Variants in ITGBL1 observed in about 807,000 individuals in gnomAD.
ITGBL1 encodes integrin subunit beta like 1.
A neutral mutation model predicts 68.5 loss-of-function variants in ITGBL1; 51 were observed. The observed-to-expected ratio is 0.74, with a 90% confidence interval of 0.59 to 0.94. The LOEUF (loss-of-function observed/expected upper bound fraction) is 0.94. ITGBL1 is among the 40% of genes least tolerant of loss of function. The probability of loss-of-function intolerance (pLI) is 0.00; values close to 1 mark genes in which losing one functional copy is unlikely to be tolerated. For synonymous variants in ITGBL1, 209 were observed against 227.3 expected (o/e 0.92, Z 0.72); for missense variants, 649 against 647.4 (o/e 1.00, Z -0.03).
chr13:101,497,078 GT>G (rs2048867646), intron 2 of ITGBL1, among the ~76,000 whole-genome samples: 1 of 152,218 alleles, frequency 6.6e-6, no homozygotes, highest in East Asian at 1.9e-4. Flanking sequence ...CCACCTGGGA[GT>G]TCTGAGGCCA....
chr13:101,479,798 C>T (rs2048590572), intron 2 of ITGBL1, among the ~76,000 whole-genome samples: 1 of 151,976 alleles, frequency 6.6e-6, no homozygotes, highest in Admixed American at 6.6e-5. Context: ...ATCCAAAAGG[C>T]AGGCAGTAAC....
intron 7 of ITGBL1, among the ~76,000 whole-genome samples, chr13:101,610,143 A>G (rs1001888791): frequency 6.6e-6 from 1 of 152,178 alleles, no homozygotes; most frequent in Non-Finnish European, 1.5e-5. Flanking sequence ...TATTTCTATT[A>G]AAATACTAAA....
At chr13:101,502,720 A>G (rs2048963325) in intron 2 of ITGBL1, among the ~76,000 whole-genome samples, 1 of 152,208 alleles carries the variant, frequency 6.6e-6, no homozygotes, top group South Asian at 2.1e-4. Flanking sequence ...CTTTGCTTCT[A>G]CAATGATTAT....
intron 2 of ITGBL1, among the ~76,000 whole-genome samples, chr13:101,480,443 AAC>A (rs200690450): frequency 0.013 from 1,956 of 152,214 alleles, 13 homozygotes; most frequent in Admixed American, 0.021. Flanking sequence ...TCCATTTGAT[AAC>A]ACAAATACTA....
intron 9 of ITGBL1, among the ~76,000 whole-genome samples, chr13:101,707,572 G>T (rs2034289717): frequency 6.6e-6 from 1 of 152,060 alleles, no homozygotes; most frequent in African/African-American, 2.4e-5. Flanking sequence ...GGGCACCGTG[G>T]CCCATGCCTG....
chr13:101,661,109 A>G (rs1342853472), intron 7 of ITGBL1, among the ~76,000 whole-genome samples: 1 of 143,098 alleles, frequency 7.0e-6, no homozygotes, highest in Non-Finnish European at 1.5e-5. Flanking sequence ...ACATATTTAA[A>G]TAACTATAAC....
intron 8 of ITGBL1, among the ~76,000 whole-genome samples, chr13:101,702,382 T>G (rs541242370): frequency 6.6e-6 from 1 of 152,294 alleles, no homozygotes; most frequent in South Asian, 2.1e-4. Flanking sequence ...TTGATTGTAT[T>G]TCTTTTCTTA....
chr13:101,637,122 T>C (rs901429693), intron 7 of ITGBL1, among the ~76,000 whole-genome samples: 5 of 152,164 alleles, frequency 3.3e-5, no homozygotes, highest in Non-Finnish European at 5.9e-5. Context: ...ATCAAAGTTA[T>C]GTAGAACAAG....
At position 101,643,128 on chromosome 13, in the gene ITGBL1, G is replaced by A. The variant is rs924743477; in HGVS notation, c.1015+44829G>A. Reference sequence around the variant, plus strand: ...AGTCATTGGTAGCTTGATGGGGATGGCATTGGATCTATAAATTACCTTGGG... The same window carrying A: ...AGTCATTGGTAGCTTGATGGGGATGACATTGGATCTATAAATTACCTTGGG... On this transcript the variant is annotated intron_variant, in intron 7 of 10. Coordinates refer to ENST00000376180, the MANE Select transcript of ITGBL1 (RefSeq NM_004791.3). 3.7e-4 allele frequency among the ~76,000 whole-genome samples: 56 copies of A among 151,788 alleles called. No individual in the cohort carries two copies. In the East Asian group the frequency reaches 0.01, roughly 27 times the overall value.
intron 2 of ITGBL1, among the ~76,000 whole-genome samples, chr13:101,542,737 C>T (rs1256742983): frequency 6.6e-6 from 1 of 152,118 alleles, no homozygotes; most frequent in Admixed American, 6.6e-5. Flanking sequence ...AATCTGGGTG[C>T]TCCTGTATTG....
intron 8 of ITGBL1, among the ~76,000 whole-genome samples, chr13:101,697,059 G>A (rs1215405851): frequency 6.6e-6 from 1 of 150,564 alleles, no homozygotes; most frequent in Non-Finnish European, 1.5e-5. Flanking sequence ...TTTACATCAA[G>A]AGCTCTTTCT....
intron 2 of ITGBL1, among the ~76,000 whole-genome samples, chr13:101,474,202 G>C (rs1011478504): frequency 1.3e-5 from 2 of 152,102 alleles, no homozygotes; most frequent in African/African-American, 4.8e-5. Flanking sequence ...GACCCACACT[G>C]GGCCAGAGGG....
chr13:101,580,268 A>T (rs1011631848), intron 5 of ITGBL1, among the ~76,000 whole-genome samples: 2 of 152,156 alleles, frequency 1.3e-5, no homozygotes, highest in Non-Finnish European at 2.9e-5. Context: ...TAATACAGAA[A>T]TCGTAGCATA....
intron 7 of ITGBL1, among the ~76,000 whole-genome samples, chr13:101,605,955 CAT>C (rs1316808115): frequency 4.8e-5 from 7 of 145,058 alleles, no homozygotes; most frequent in Non-Finnish European, 9.1e-5. Flanking sequence ...TATATATACA[CAT>C]ATACACATAT....
chr13:101,584,572 G>A (rs1431843658), intron 6 of ITGBL1, among the ~76,000 whole-genome samples: 1 of 152,116 alleles, frequency 6.6e-6, no homozygotes, highest in Admixed American at 6.6e-5. Flanking sequence ...GACTGACTGG[G>A]GAAAGCCTGC....
intron 2 of ITGBL1, among the ~76,000 whole-genome samples, chr13:101,558,286 T>G (rs192588443): frequency 1.3e-5 from 2 of 151,804 alleles, no homozygotes; most frequent in Non-Finnish European, 2.9e-5. Flanking sequence ...GACATAAAGA[T>G]AGACATAAGA....
chr13:101,605,678 T>G (rs1039123831), intron 7 of ITGBL1, among the ~76,000 whole-genome samples: 15 of 151,412 alleles, frequency 9.9e-5, no homozygotes, highest in African/African-American at 3.4e-4. Context: ...ATGTATGTGT[T>G]TATGCGTATA....
chr13:101,678,926 T>TC (rs1211153827), intron 7 of ITGBL1, among the ~76,000 whole-genome samples: 2 of 151,878 alleles, frequency 1.3e-5, no homozygotes. Context: ...ATTTTTTTTT[T>TC]TATTTTTTTG....
intron 9 of ITGBL1, 102 bp from the exon 10 acceptor site, chr13:101,714,336 T>C: frequency 1.3e-6 from 1 of 748,934 alleles, no homozygotes; most frequent in Non-Finnish European, 2.4e-6. Context: ...CTTTGGATGA[T>C]GGGTTATTAG....
Sources: gnomAD v4.1 joint callset for allele counts (sites outside exome capture counted in the v4.1 genomes callset) on GRCh38, gnomAD v4.1.1 for gene constraint, MANE v1.5 for transcripts, NCBI Gene and HGNC (gene_info 2026-07-23, HGNC 2026-07-21) for gene names.